Variants in CCNT2 observed in about 807,000 individuals in gnomAD.
The protein encoded by CCNT2 is cyclin T2, also known as cyclin-T2.
A neutral mutation model predicts 70.0 loss-of-function variants in CCNT2; 18 were observed. That is an observed-to-expected ratio of 0.26 (90% confidence interval 0.18 to 0.38). The LOEUF (loss-of-function observed/expected upper bound fraction) is 0.38. CCNT2 is among the 10% of genes least tolerant of loss of function. The pLI is 1.00. For missense variants in CCNT2, 734 were observed against 890.2 expected (o/e 0.82, Z 2.23); for synonymous variants, 334 against 313.3 (o/e 1.07, Z -0.70).
At position 134,958,740 on chromosome 2, in the gene CCNT2, T is replaced by C. The variant is rs1172193512; in HGVS notation, c.*4092T>C. On this transcript the variant is annotated 3_prime_UTR_variant, in exon 9 of 9. Transcript: ENST00000264157. ...AGTGGGACTGAAAAGCTCAAAATGT[T>C]TTAGACCTAATATCATACATTAATT... The C allele has an allele frequency of 1.3e-5, 2 of 152,210 alleles. No individual in the cohort carries two copies. The highest frequency in any genetic ancestry group is 2.9e-5 in the Non-Finnish European group (2 of 68,022). 9.4% of individuals were successfully genotyped at this position (152,210 alleles called of 1,614,324 possible). A position where few individuals can be genotyped will look rare whatever the true frequency, so the allele number is the denominator to read the frequency against.
At position 134,953,387 on chromosome 2, in the gene CCNT2, C is replaced by T. The variant is rs769338607; in HGVS notation, c.932C>T (p.Ala311Val). The T allele has an allele frequency of 2.8e-5, 45 of 1,601,344 alleles. No homozygotes were observed. The highest frequency in any genetic ancestry group is 3.4e-5 in the Admixed American group (2 of 58,178). Reference sequence around the variant, plus strand: ...AAACCATCTACATCAGCATTCCCTGCGCCAGTACCTCTAAATTCAGGAAAT... The same window carrying T: ...AAACCATCTACATCAGCATTCCCTGTGCCAGTACCTCTAAATTCAGGAAAT... ...FQKPSTSAFP[A>V]PVPLNSGNIS... is the part of the protein sequence containing the mutation. Residue 311 changes from alanine to valine, a missense_variant, in exon 9 of 9, where the codon GCG becomes GTG. This residue lies in a region of CCNT2 where 532 missense variants were observed against 556.9 expected (regional missense o/e 0.96). Coordinates refer to ENST00000264157, the MANE Select transcript of CCNT2 (RefSeq NM_058241.3).
At chr2:134,930,315 C>A (rs1680647610) in intron 2 of CCNT2, among the ~76,000 whole-genome samples, 1 of 152,208 alleles carries the variant, frequency 6.6e-6, no homozygotes, top group African/African-American at 2.4e-5. Context: ...GTACTTCATT[C>A]CTTTTTACTG....
chr2:134,941,035 T>G (rs1681545202), intron 4 of CCNT2, among the ~76,000 whole-genome samples: 1 of 152,152 alleles, frequency 6.6e-6, no homozygotes, highest in Non-Finnish European at 1.5e-5. Flanking sequence ...AAAATGAAGC[T>G]TTTATGTGAA....
chr2:134,938,639 G>T (rs1172105348), intron 3 of CCNT2, among the ~76,000 whole-genome samples: 1 of 152,180 alleles, frequency 6.6e-6, no homozygotes, highest in Non-Finnish European at 1.5e-5. Flanking sequence ...TTAAAGGCAG[G>T]TTTGAGTTGG....
chr2:134,957,178 T>C lies in CCNT2; in HGVS notation c.*2530T>C, dbSNP rs1682978104. On this transcript the variant is annotated 3_prime_UTR_variant, in exon 9 of 9. Coordinates refer to ENST00000264157, the MANE Select transcript of CCNT2 (RefSeq NM_058241.3). The stretch of plus-strand genomic sequence containing the variant: ...TCATGAATTTGCTTTATCCATCTCA[T>C]TTGCATAACAGTTCATCTGTCTGGT... 1 of 152,146 alleles carries C rather than the reference T, an allele frequency of 6.6e-6. No individual in the cohort carries two copies. The highest frequency in any genetic ancestry group is 2.4e-5 in the African/African-American group (1 of 41,442). 9.4% of individuals were successfully genotyped at this position (152,146 alleles called of 1,614,324 possible).
At chr2:134,943,483 G>A (rs997051373) in intron 5 of CCNT2, 3 of 984,832 alleles carry the variant, frequency 3.0e-6, no homozygotes, top group Non-Finnish European at 3.6e-6. Context: ...TGTATTTTTC[G>A]AGGGTCTTTG....
Position 134,958,181 on chromosome 2 carries a change from A to T in CCNT2, c.*3533A>T, listed in dbSNP as rs556638011. ...TTTCAGGGTTTTGCATTTTCTATAG[A>T]CATGGGGACTTTTTTAACATGGTAA... On this transcript the variant is annotated 3_prime_UTR_variant, in exon 9 of 9. Coordinates refer to ENST00000264157, the MANE Select transcript of CCNT2 (RefSeq NM_058241.3). 1 of 152,346 alleles carries T rather than the reference A, an allele frequency of 6.6e-6. No individual in the cohort carries two copies. Among genetic ancestry groups the T allele is most frequent in the South Asian group, 2.1e-4 (1 of 4,834 alleles). The allele number at this position is 152,346 out of a possible 1,614,324, so 9.4% of individuals were successfully genotyped here.
chr2:134,943,725 T>C, intron 5 of CCNT2: 1 of 985,180 alleles, frequency 1.0e-6, no homozygotes, highest in African/African-American at 1.7e-5. Context: ...CAGTTGCATG[T>C]TGTTCTGCTT....
chr2:134,927,585 A>G (rs866943066), intron 2 of CCNT2, among the ~76,000 whole-genome samples: 3 of 152,332 alleles, frequency 2.0e-5, no homozygotes, highest in Middle Eastern at 3.4e-3. Flanking sequence ...TGGCCAAGGC[A>G]TGCAAATGTC....
intron 4 of CCNT2, among the ~76,000 whole-genome samples, chr2:134,940,104 A>AT (rs1308252734): frequency 6.6e-5 from 10 of 152,244 alleles, no homozygotes; most frequent in African/African-American, 1.2e-4. Flanking sequence ...TGAATTTGTC[A>AT]TTTTTTTAAT....
chr2:134,945,600 T>G, intron 5 of CCNT2: 1 of 985,428 alleles, frequency 1.0e-6, no homozygotes. Flanking sequence ...CTTAATAGCA[T>G]GATGAAAAAC....
chr2:134,959,202 A>C lies in CCNT2; in HGVS notation c.*4554A>C, dbSNP rs528376183. 102 of 152,214 alleles carry C rather than the reference A, an allele frequency of 6.7e-4. No homozygotes were observed. Among genetic ancestry groups the C allele is most frequent in the African/African-American group, 2.2e-3 (91 of 41,516 alleles). 9.4% of individuals were successfully genotyped at this position (152,214 alleles called of 1,614,324 possible). A position where few individuals can be genotyped will look rare whatever the true frequency, so the allele number is the denominator to read the frequency against. ...GGGTTTCATTTTCTGAATGTACTCA[A>C]AACTCCCAACAACAATTGAACAGGA... On this transcript the variant is annotated 3_prime_UTR_variant, in exon 9 of 9. Transcript: ENST00000264157.
At chr2:134,948,901 G>A (rs989276294) in intron 7 of CCNT2, among the ~76,000 whole-genome samples, 1 of 151,992 alleles carries the variant, frequency 6.6e-6, no homozygotes, top group Admixed American at 6.6e-5. Context: ...TTTTAGTAGA[G>A]ATGGGGTTTC....
rs1682776795 is a variant in CCNT2 at position 134,954,383 on chromosome 2, G to C, written c.1928G>C (p.Ser643Thr). 6.2e-7 allele frequency: 1 copy of C among 1,614,010 alleles called. No individual in the cohort carries two copies. The highest frequency in any genetic ancestry group is 8.5e-7 in the Non-Finnish European group (1 of 1,180,006). Residue 643 changes from serine (S) to threonine (T), a missense_variant, in exon 9 of 9, where the codon AGT (serine) becomes ACT (threonine). By Grantham distance (58) the Ser-to-Thr change is moderately conservative. Transcript: ENST00000264157. ...KMSKSSKSSG[S>T]SSSSSSSVKQ... ...AGCAAAAGTTCCAAAAGTTCAGGTA[G>C]TTCATCTAGTTCTTCCTCCTCTGTT...
intron 2 of CCNT2, among the ~76,000 whole-genome samples, chr2:134,936,585 C>A (rs1375630518): frequency 1.3e-5 from 2 of 152,008 alleles, no homozygotes; most frequent in African/African-American, 4.8e-5. Context: ...GAAACCCTGT[C>A]TTTACTAAAA....
In CCNT2 at chr2:134,919,677, A is replaced by C. The variant is rs1282309441; in HGVS notation, c.159-133A>C. On this transcript the variant is annotated intron_variant, in intron 1 of 8. Coordinates refer to ENST00000264157, the MANE Select transcript of CCNT2 (RefSeq NM_058241.3). ...GCCGCCCCACCCCCCGCGGGCATTT[A>C]TTTCTTTATTTCCAGTTTGGGGTTT... The C allele has an allele frequency of 9.4e-6, 6 of 639,188 alleles. 1 individual carries two copies. The highest frequency in any genetic ancestry group is 8.0e-5 in the South Asian group (4 of 49,892). 39.6% of individuals were successfully genotyped at this position (639,188 alleles called of 1,614,324 possible).
intron 4 of CCNT2, among the ~76,000 whole-genome samples, chr2:134,942,043 A>G (rs1681621769): frequency 6.6e-6 from 1 of 151,984 alleles, no homozygotes; most frequent in Non-Finnish European, 1.5e-5. Context: ...GCTTTTAAAC[A>G]TTTCATCTTT....
chr2:134,953,171 G>T, intron 8 of CCNT2, 59 bp from the exon 9 acceptor site: 1 of 1,221,844 alleles, frequency 8.2e-7, no homozygotes, highest in East Asian at 2.4e-5. Context: ...TATAAGACAA[G>T]AAATTTGCAT....
Position 134,941,153 on chromosome 2 carries a change from C to T in CCNT2, c.431-1459C>T, listed in dbSNP as rs116676012. ...CTAAAGCCAGAGAATTTAATGCCAG[C>T]GAAAGACAGAAATTGTGGTGTATTT... is the stretch of plus-strand genomic sequence containing the variant. On this transcript the variant is annotated intron_variant, in intron 4 of 8. Coordinates refer to ENST00000264157, the MANE Select transcript of CCNT2 (RefSeq NM_058241.3). Among the ~76,000 whole-genome samples the T allele has an allele frequency of 3.6e-3, 553 of 152,168 alleles. 4 individuals are homozygous for T. The highest frequency in any genetic ancestry group is 0.012 in the African/African-American group (514 of 41,516).
Sources: allele counts gnomAD v4.1 joint callset (sites outside exome capture counted in the v4.1 genomes callset), GRCh38; gene constraint gnomAD v4.1.1; regional missense constraint gnomAD v4.1.1; transcripts MANE v1.5; gene names NCBI Gene and HGNC (gene_info 2026-07-23, HGNC 2026-07-21).